Variants in PTPRD observed in about 807,000 individuals in gnomAD.
PTPRD encodes receptor-type tyrosine-protein phosphatase delta.
A neutral mutation model predicts 214.5 loss-of-function variants in PTPRD; 34 were observed. That is an observed-to-expected ratio of 0.16 (90% CI 0.12 to 0.21). The LOEUF is 0.21. Among genes scored for constraint, PTPRD ranks in the 10% least tolerant of loss-of-function variants. PTPRD has a pLI of 1.00. For missense variants in PTPRD, 2,545 were observed against 2,398.7 expected (o/e 1.06, Z -1.27); for synonymous variants, 1,128 against 845.7 (o/e 1.33, Z -5.79).
chr9:9,942,742 T>C (rs1331053825), intron 4 of PTPRD, among the ~76,000 whole-genome samples: 1 of 152,176 alleles, frequency 6.6e-6, no homozygotes, highest in Non-Finnish European at 1.5e-5. Context: ...TTTCATAATA[T>C]TTAAAGACAT....
intron 10 of PTPRD, among the ~76,000 whole-genome samples, chr9:9,083,658 C>A (rs1026221701): frequency 5.9e-5 from 9 of 151,960 alleles, no homozygotes; most frequent in African/African-American, 1.9e-4. Context: ...ATCCATCTGA[C>A]AAAGGGCTAA....
In PTPRD at chr9:8,518,218, G is replaced by A. The variant is rs774640196; in HGVS notation, c.1173C>T (p.Phe391=). 8.1e-6 allele frequency: 13 copies of A among 1,614,058 alleles called. No individual in the cohort carries two copies. The East Asian group carries it at 2.7e-4, about 33-fold the overall frequency. ...AGLSPYSDYE[F]RVVAVNNIGR... is the part of the protein sequence containing the mutation. ...CAATGTTATTGACAGCAACAACCCTGAATTCATAATCCGAGTAGGGACTTA... is the reference window on the plus strand; with the variant it reads ...CAATGTTATTGACAGCAACAACCCTAAATTCATAATCCGAGTAGGGACTTA... Residue 391 remains phenylalanine (F), a synonymous_variant, in exon 21 of 46, where the codon TTC becomes TTT. Transcript: ENST00000381196.
chr9:8,902,695 G>C (rs2098679867), intron 11 of PTPRD, among the ~76,000 whole-genome samples: 1 of 151,970 alleles, frequency 6.6e-6, no homozygotes, highest in South Asian at 2.1e-4. Flanking sequence ...ATACTTTAAA[G>C]TTTAAGAAAC....
At chr9:8,327,566 G>C (rs1587643243) in intron 44 of PTPRD, among the ~76,000 whole-genome samples, 1 of 152,122 alleles carries the variant, frequency 6.6e-6, no homozygotes, top group Non-Finnish European at 1.5e-5. Flanking sequence ...TTGGTCCAGA[G>C]CTGTGTTCAA....
chr9:8,392,420 G>C (rs780421396), intron 36 of PTPRD, among the ~76,000 whole-genome samples: 1 of 151,986 alleles, frequency 6.6e-6, no homozygotes, highest in Non-Finnish European at 1.5e-5. Flanking sequence ...CAGCTACCTG[G>C]GAGCCTGAGG....
intron 10 of PTPRD, among the ~76,000 whole-genome samples, chr9:9,110,492 G>C (rs925904689): frequency 3.9e-5 from 6 of 152,058 alleles, no homozygotes; most frequent in Non-Finnish European, 7.4e-5. Flanking sequence ...TATTCAGTAT[G>C]CTCCAAATGT....
chr9:8,333,426 A>C (rs1843392671), intron 43 of PTPRD, among the ~76,000 whole-genome samples: 1 of 152,208 alleles, frequency 6.6e-6, no homozygotes, highest in African/African-American at 2.4e-5. Context: ...TGTAATTTTC[A>C]ACCCAGAATT....
chr9:9,200,823 A>G (rs1186199858), intron 9 of PTPRD, among the ~76,000 whole-genome samples: 1 of 152,236 alleles, frequency 6.6e-6, no homozygotes, highest in African/African-American at 2.4e-5. Context: ...AACCTTTAGA[A>G]CAAAGAAATT....
At chr9:10,147,444 G>A (rs962882445) in intron 3 of PTPRD, among the ~76,000 whole-genome samples, 7 of 152,026 alleles carry the variant, frequency 4.6e-5, no homozygotes, top group African/African-American at 9.7e-5. Context: ...TTGAAACAAC[G>A]TATAATTCTA....
chr9:9,909,745 G>T (rs143523744), intron 5 of PTPRD, among the ~76,000 whole-genome samples: 15 of 151,290 alleles, frequency 9.9e-5, no homozygotes, highest in Non-Finnish European at 2.1e-4. Flanking sequence ...ATACAGACAT[G>T]TGAGCCTTTG....
chr9:9,356,508 G>T (rs1467780480), intron 9 of PTPRD, among the ~76,000 whole-genome samples: 1 of 151,296 alleles, frequency 6.6e-6, no homozygotes, highest in East Asian at 1.9e-4. Context: ...ATGAGTGTTT[G>T]CCACCATTTG....
intron 39 of PTPRD, among the ~76,000 whole-genome samples, chr9:8,364,428 G>A (rs1245378286): frequency 6.6e-6 from 1 of 152,212 alleles, no homozygotes; most frequent in African/African-American, 2.4e-5. Context: ...GAATAGAAGA[G>A]GTAACAATAG....
In PTPRD at chr9:9,580,547, C is replaced by CTTT. The variant is rs1176394314; in HGVS notation, c.-286-5769_-286-5767dup. On this transcript the variant is annotated intron_variant, in intron 7 of 45. Transcript: ENST00000381196. ...TCATGTCCTTAGCTTACTTTATTTT[C>CTTT]TTTTTTTTTTTTTTTTTTTGAGACA... Among the ~76,000 whole-genome samples, 13 of 123,066 alleles carry CTTT rather than the reference C, an allele frequency of 1.1e-4. 1 individual carries two copies. The highest frequency in any genetic ancestry group is 2.6e-4 in the South Asian group (1 of 3,878). The allele number at this position is 123,066 out of a possible 152,430, so 80.7% of individuals were successfully genotyped here.
intron 9 of PTPRD, among the ~76,000 whole-genome samples, chr9:9,298,100 A>G (rs1953806207): frequency 6.6e-6 from 1 of 151,716 alleles, no homozygotes; most frequent in South Asian, 2.1e-4. Context: ...ATCTTGGGAA[A>G]CTGGGAGTGT....
At chr9:10,189,003 G>C (rs1441068270) in intron 3 of PTPRD, among the ~76,000 whole-genome samples, 1 of 151,858 alleles carries the variant, frequency 6.6e-6, no homozygotes, top group African/African-American at 2.4e-5. Flanking sequence ...GGGTATTCCA[G>C]TTTCCATTAC....
intron 39 of PTPRD, among the ~76,000 whole-genome samples, chr9:8,360,935 C>G (rs370017030): frequency 1.5e-4 from 23 of 152,298 alleles, no homozygotes; most frequent in South Asian, 1.2e-3. Context: ...CACCCCCCTG[C>G]ATCAATTAAT....
chr9:9,052,313 T>C lies in PTPRD; in HGVS notation c.-142-33578A>G, dbSNP rs560974142. Among the ~76,000 whole-genome samples, 3 of 152,270 alleles carry C rather than the reference T, an allele frequency of 2.0e-5. No individual in the cohort carries two copies. The South Asian group carries it at 6.2e-4, about 32-fold the overall frequency. The stretch of plus-strand genomic sequence containing the variant: ...GGGTGTTGGAATTTCAATATATGAA[T>C]TTGGGGAACATAAAGATTTATTCAT... On this transcript the variant is annotated intron_variant, in intron 10 of 45. Coordinates refer to ENST00000381196, the MANE Select transcript of PTPRD (RefSeq NM_002839.4).
At position 9,339,389 on chromosome 9, in the gene PTPRD, G is replaced by T. The variant is rs544162908; in HGVS notation, c.-203+58060C>A. Among the ~76,000 whole-genome samples the T allele has an allele frequency of 1.2e-4, 19 of 152,156 alleles. 1 individual carries two copies. The South Asian group carries it at 3.9e-3, about 32-fold the overall frequency. ...TAGTCCCAGCTACTCGGGAGGCTGA[G>T]GCAGGAGAATGGTGTGAACCTGAGA... is the stretch of plus-strand genomic sequence containing the variant. On this transcript the variant is annotated intron_variant, in intron 9 of 45. Coordinates refer to ENST00000381196, the MANE Select transcript of PTPRD (RefSeq NM_002839.4).
chr9:9,191,820 A>G (rs2099935368), intron 9 of PTPRD, among the ~76,000 whole-genome samples: 2 of 152,098 alleles, frequency 1.3e-5, no homozygotes, highest in South Asian at 4.1e-4. Context: ...ATATTAAGAT[A>G]TAATTAAACA....
Sources: gnomAD v4.1 joint callset for allele counts (sites outside exome capture counted in the v4.1 genomes callset) on GRCh38, gnomAD v4.1.1 for gene constraint, MANE v1.5 for transcripts, NCBI Gene and HGNC (gene_info 2026-07-23, HGNC 2026-07-21) for gene names.